The following CADPS2 variants were observed in gnomAD, a reference collection of about 807,000 sequenced individuals.
CADPS2 encodes calcium-dependent secretion activator 2.
CADPS2 carries 93 observed loss-of-function variants against 172.5 expected under a neutral mutation model. The ratio of observed to expected loss-of-function variants is 0.54; its 90% CI spans 0.46 to 0.64. The LOEUF (loss-of-function observed/expected upper bound fraction) is 0.64. Ranked by LOEUF, CADPS2 falls within the 30% of genes least tolerant of loss-of-function variation. CADPS2 has a pLI of 0.00. For missense variants in CADPS2, 1,420 were observed against 1,565.9 expected, an observed-to-expected ratio of 0.91 and a Z score of 1.57; for synonymous variants, 546 against 555.2, an observed-to-expected ratio of 0.98 and a Z score of 0.23.
chr7:122,462,456 G>A (rs1164561358), intron 14 of CADPS2, among the ~76,000 whole-genome samples: 1 of 151,948 alleles, frequency 6.6e-6, no homozygotes, highest in Non-Finnish European at 1.5e-5. Context: ...AAAAAAGAAA[G>A]CTTAAAATAA....
chr7:122,762,951 AAAAAGC>A (rs2093436649), intron 1 of CADPS2, among the ~76,000 whole-genome samples: 1 of 152,172 alleles, frequency 6.6e-6, no homozygotes, highest in Non-Finnish European at 1.5e-5. Context: ...GGACTCTGAA[AAAAAGC>A]AAAAGGAAAT....
chr7:122,698,162 CA>C (rs1356364198), intron 2 of CADPS2: 15 of 1,613,944 alleles, frequency 9.3e-6, no homozygotes, highest in Admixed American at 1.7e-5. Flanking sequence ...CAGCTATCCC[CA>C]TTTGGATTTA....
intron 1 of CADPS2, among the ~76,000 whole-genome samples, chr7:122,780,850 C>T (rs1792514557): frequency 6.6e-6 from 1 of 151,866 alleles, no homozygotes. Flanking sequence ...TTCCCTCTGA[C>T]AGCGTTTATA....
intron 28 of CADPS2, 47 bp downstream of exon 28, chr7:122,345,527 G>A (rs759147878): frequency 8.9e-7 from 1 of 1,118,202 alleles, no homozygotes; most frequent in Admixed American, 1.9e-5. Flanking sequence ...TTTTCTCTTT[G>A]CAGTTTATCT....
intron 27 of CADPS2, among the ~76,000 whole-genome samples, chr7:122,358,511 C>G (rs548102103): frequency 6.6e-6 from 1 of 151,788 alleles, no homozygotes; most frequent in African/African-American, 2.4e-5. Flanking sequence ...GGGGTTGTAT[C>G]TAAAAACTCA....
chr7:122,377,458 A>G (rs1441467954), intron 25 of CADPS2, among the ~76,000 whole-genome samples: 2 of 152,134 alleles, frequency 1.3e-5, no homozygotes, highest in Admixed American at 6.6e-5. Context: ...TAAACCTTAT[A>G]TCATCTATAG....
At chr7:122,605,889 G>C (rs925693142) in intron 6 of CADPS2, among the ~76,000 whole-genome samples, 1 of 151,990 alleles carries the variant, frequency 6.6e-6, no homozygotes, top group African/African-American at 2.4e-5. Context: ...TTTTAATCCA[G>C]GATTTTTTTT....
intron 3 of CADPS2, among the ~76,000 whole-genome samples, chr7:122,652,480 G>A (rs1397706039): frequency 2.6e-5 from 4 of 152,074 alleles, no homozygotes; most frequent in East Asian, 1.9e-4. Flanking sequence ...ATATAACATT[G>A]TTTCTCTAAA....
At chr7:122,530,211 T>A (rs2061638447) in intron 8 of CADPS2, among the ~76,000 whole-genome samples, 1 of 152,054 alleles carries the variant, frequency 6.6e-6, no homozygotes, top group Non-Finnish European at 1.5e-5. Context: ...AAAAATAAAA[T>A]ATATTTGTGA....
chr7:122,812,672 GCTTT>G lies in CADPS2; in HGVS notation c.339+73323_339+73326del, dbSNP rs531077082. 1.4e-3 allele frequency among the ~76,000 whole-genome samples: 213 copies of G among 152,162 alleles called. 1 individual carries two copies. The highest frequency in any genetic ancestry group is 4.9e-3 in the African/African-American group (204 of 41,534). On this transcript the variant is annotated intron_variant, in intron 1 of 29. Transcript: ENST00000449022. ...GTGGGACAGGGGGAGAGGAGAGTTT[GCTTT>G]CTTTATGATAGGACCAATGTCTTAT...
intron 14 of CADPS2, among the ~76,000 whole-genome samples, chr7:122,462,975 C>T (rs2054649206): frequency 6.6e-6 from 1 of 152,068 alleles, no homozygotes; most frequent in African/African-American, 2.4e-5. Flanking sequence ...CAAAAACCAG[C>T]TTCAAAATAT....
intron 1 of CADPS2, among the ~76,000 whole-genome samples, chr7:122,761,190 G>A (rs545012308): frequency 2.3e-3 from 353 of 152,250 alleles, no homozygotes; most frequent in Non-Finnish European, 4.2e-3. Context: ...TCCAGCCTGG[G>A]AAACCCAGAC....
At chr7:122,712,763 G>T (rs926110704) in intron 2 of CADPS2, among the ~76,000 whole-genome samples, 7 of 151,960 alleles carry the variant, frequency 4.6e-5, no homozygotes, top group African/African-American at 1.7e-4. Flanking sequence ...AAGTAGATTT[G>T]GTGTCTCATG....
intron 1 of CADPS2, among the ~76,000 whole-genome samples, chr7:122,783,089 G>A (rs55985792): frequency 0.016 from 2,441 of 151,534 alleles, 60 homozygotes; most frequent in African/African-American, 0.056. Flanking sequence ...GTGGGCGGGC[G>A]CCTGTGGTCC....
At chr7:122,610,151 T>TAAA (rs71161311) in intron 6 of CADPS2, among the ~76,000 whole-genome samples, 17 of 145,036 alleles carry the variant, frequency 1.2e-4, no homozygotes, top group Admixed American at 9.7e-4. Flanking sequence ...GAAAGAGTAA[T>TAAA]AAAAAAAAAA....
intron 1 of CADPS2, among the ~76,000 whole-genome samples, chr7:122,832,708 T>C (rs146901939): frequency 7.4e-4 from 113 of 152,286 alleles, no homozygotes; most frequent in African/African-American, 2.6e-3. Flanking sequence ...GTTACAAATA[T>C]AAACTGAAGT....
intron 8 of CADPS2, among the ~76,000 whole-genome samples, chr7:122,551,598 A>G (rs1031645612): frequency 1.3e-5 from 2 of 152,084 alleles, no homozygotes; most frequent in Non-Finnish European, 2.9e-5. Context: ...TGAAGTCCTA[A>G]AGATTTCAAA....
chr7:122,322,700 T>C lies in CADPS2; in HGVS notation c.3718-2362A>G, dbSNP rs141106093. Among the ~76,000 whole-genome samples, 380 of 152,360 alleles carry C rather than the reference T, an allele frequency of 2.5e-3. 1 individual carries two copies. Among genetic ancestry groups the C allele is most frequent in the African/African-American group, 8.6e-3 (358 of 41,590 alleles). On this transcript the variant is annotated intron_variant, in intron 29 of 29. Transcript: ENST00000449022. Reference sequence around the variant, plus strand: ...CATTCTAAGGTAAAAACTTTGCAAATAATTTCAGTCTTTAATTTTTTGTGT... The same window carrying C: ...CATTCTAAGGTAAAAACTTTGCAAACAATTTCAGTCTTTAATTTTTTGTGT...
intron 24 of CADPS2, among the ~76,000 whole-genome samples, chr7:122,381,369 AC>A: frequency 6.6e-6 from 1 of 152,260 alleles, no homozygotes; most frequent in African/African-American, 2.4e-5. Flanking sequence ...CTTCCCTCTT[AC>A]ATGGAAAGTG....
Sources: gnomAD v4.1 joint callset for allele counts (sites outside exome capture counted in the v4.1 genomes callset) on GRCh38, gnomAD v4.1.1 for gene constraint, MANE v1.5 for transcripts, NCBI Gene and HGNC (gene_info 2026-07-23, HGNC 2026-07-21) for gene names.